Variants in DMD observed in about 807,000 individuals in gnomAD.
DMD encodes mutant dystrophin.
Under a neutral mutation model 330.1 loss-of-function variants are expected in DMD, and 63 were observed. That is an observed-to-expected ratio of 0.19 (90% CI 0.16 to 0.24). The LOEUF (loss-of-function observed/expected upper bound fraction) is 0.24, where lower values mean the gene tolerates loss of function less well. DMD is among the 10% of genes least tolerant of loss of function. DMD has a pLI of 1.00. For synonymous variants in DMD, 1,223 were observed against 959.8 expected (o/e 1.27, Z -5.07); for missense variants, 3,344 against 2,684.1 (o/e 1.25, Z -5.43).
intron 12 of DMD, among the ~76,000 whole-genome samples, chrX:32,604,384 T>C (rs1439712310): frequency 4.5e-5 from 5 of 110,183 alleles, no homozygotes; most frequent in African/African-American, 1.6e-4. Flanking sequence ...CAACTAGGCA[T>C]TGAAAGAACA....
chrX:32,553,616 G>A (rs1261852189), intron 16 of DMD, among the ~76,000 whole-genome samples: 1 of 112,140 alleles, frequency 8.9e-6, no homozygotes, highest in African/African-American at 3.2e-5. Flanking sequence ...TGTCATATAT[G>A]TGGTTCATTG....
intron 1 of DMD, among the ~76,000 whole-genome samples, chrX:33,259,043 A>G (rs1357174272): frequency 9.0e-6 from 1 of 111,500 alleles, no homozygotes; most frequent in African/African-American, 3.2e-5. Context: ...ACTTATCTTA[A>G]TATACTTGTT....
At chrX:32,076,216 C>T (rs1047548737) in intron 44 of DMD, among the ~76,000 whole-genome samples, 14 of 108,429 alleles carry the variant, frequency 1.3e-4, no homozygotes, top group African/African-American at 4.7e-4. Flanking sequence ...AGCGGAAAGA[C>T]AGACAGGTGT....
At chrX:32,357,899 CAT>C (rs1281311528) in intron 37 of DMD, among the ~76,000 whole-genome samples, 1 of 110,193 alleles carries the variant, frequency 9.1e-6, no homozygotes, top group East Asian at 2.9e-4. Flanking sequence ...TAAGCTTTCT[CAT>C]ATGTTTATGC....
chrX:31,307,370 T>C (rs1356624480), intron 62 of DMD, among the ~76,000 whole-genome samples: 1 of 111,936 alleles, frequency 8.9e-6, no homozygotes, highest in East Asian at 2.8e-4. Context: ...ACCTTATACA[T>C]CTTTTTAAAC....
At chrX:31,932,506 G>A (rs768608127) in intron 45 of DMD, among the ~76,000 whole-genome samples, 13 of 111,953 alleles carry the variant, frequency 1.2e-4, no homozygotes, top group Non-Finnish European at 2.1e-4. Flanking sequence ...AGCGCTTAGG[G>A]AGGCCGATGT....
intron 55 of DMD, among the ~76,000 whole-genome samples, chrX:31,626,030 G>C (rs969542834): frequency 1.8e-5 from 2 of 110,902 alleles, no homozygotes; most frequent in Non-Finnish European, 3.8e-5. Flanking sequence ...TGTCACCCAG[G>C]CTGGAGTGCA....
chrX:31,181,855 A>G (rs2041188472), intron 68 of DMD, among the ~76,000 whole-genome samples: 1 of 112,710 alleles, frequency 8.9e-6, no homozygotes, highest in African/African-American at 3.2e-5. Context: ...CCATAGAGCT[A>G]GTTTACAACT....
chrX:31,301,573 A>G (rs971025874), intron 62 of DMD, among the ~76,000 whole-genome samples: 22 of 111,624 alleles, frequency 2.0e-4, no homozygotes, highest in African/African-American at 7.2e-4. Context: ...ATCTGCCCCC[A>G]TGATTCATTC....
chrX:32,775,970 G>T lies in DMD; in HGVS notation c.649+33523C>A, dbSNP rs73621828. On this transcript the variant is annotated intron_variant, in intron 7 of 78. Transcript: ENST00000357033. ...AATCTCTCTGTGAACGCATATAACC[G>T]TATGTTTTCAGAAAAAGTCAAGTCA... 8.5e-3 allele frequency among the ~76,000 whole-genome samples: 947 copies of T among 111,830 alleles called. 13 individuals carry two copies. The highest frequency in any genetic ancestry group is 0.029 in the African/African-American group (885 of 30,747).
intron 2 of DMD, among the ~76,000 whole-genome samples, chrX:32,890,020 T>G (rs1306595948): frequency 9.0e-6 from 1 of 111,724 alleles, no homozygotes; most frequent in African/African-American, 3.3e-5. Context: ...AAGTTCAGAT[T>G]CAAGAAAAGG....
intron 1 of DMD, among the ~76,000 whole-genome samples, chrX:33,330,399 G>A (rs910338172): frequency 7.2e-5 from 8 of 111,570 alleles, no homozygotes; most frequent in African/African-American, 2.6e-4. Context: ...TATCCTTTCA[G>A]CCCTCCTTTG....
chrX:32,254,980 T>C (rs1031439133), intron 43 of DMD, among the ~76,000 whole-genome samples: 12 of 112,120 alleles, frequency 1.1e-4, no homozygotes, highest in African/African-American at 3.9e-4. Flanking sequence ...TCTATACCAA[T>C]GACACAAGAA....
chrX:32,714,170 G>T (rs764807438), intron 7 of DMD, among the ~76,000 whole-genome samples: 1 of 111,695 alleles, frequency 9.0e-6, no homozygotes, highest in African/African-American at 3.3e-5. Context: ...CTTGATTGAA[G>T]TAACTTCAGG....
At chrX:31,588,257 C>T (rs1197417400) in intron 55 of DMD, among the ~76,000 whole-genome samples, 3 of 111,632 alleles carry the variant, frequency 2.7e-5, no homozygotes, top group Non-Finnish European at 3.8e-5. Flanking sequence ...CTAAAGATAG[C>T]AAATAACTTG....
Position 31,762,617 on chromosome X carries a change from T to C in DMD, c.7542+11343A>G, listed in dbSNP as rs759375077. ...AACAAAACAAAAAGAAAGTCTCATG[T>C]TGGAGATGACTGGGGTTGGAGGAAA... On this transcript the variant is annotated intron_variant, in intron 51 of 78. Transcript: ENST00000357033. 3.6e-5 allele frequency among the ~76,000 whole-genome samples: 4 copies of C among 111,072 alleles called. No individual in the cohort carries two copies. The East Asian group carries it at 1.1e-3, about 31-fold the overall frequency.
intron 2 of DMD, among the ~76,000 whole-genome samples, chrX:32,890,736 G>C (rs2085123119): frequency 8.9e-6 from 1 of 111,909 alleles, no homozygotes; most frequent in Non-Finnish European, 1.9e-5. Context: ...CAGTAAGATA[G>C]CCACTAGTTA....
chrX:32,700,237 C>G (rs1465348006), intron 7 of DMD, among the ~76,000 whole-genome samples: 1 of 110,901 alleles, frequency 9.0e-6, no homozygotes, highest in East Asian at 2.8e-4. Flanking sequence ...CCTTTTTCAT[C>G]CTTTAAAAAG....
chrX:32,482,338 A>T (rs1471902318), intron 21 of DMD, among the ~76,000 whole-genome samples: 3 of 111,075 alleles, frequency 2.7e-5, no homozygotes, highest in Non-Finnish European at 3.8e-5. Context: ...GGCAACCACT[A>T]ATCTTATTTC....
Sources: allele counts gnomAD v4.1 joint callset (sites outside exome capture counted in the v4.1 genomes callset), GRCh38; gene constraint gnomAD v4.1.1; transcripts MANE v1.5; gene names NCBI Gene and HGNC (gene_info 2026-07-23, HGNC 2026-07-21).